OTUD7A: variants seen among roughly 807,000 people sequenced by gnomAD.
OTUD7A encodes the protein OTU domain-containing protein 7A.
OTUD7A carries 12 observed loss-of-function variants against 65.7 expected under a neutral mutation model. That is an observed-to-expected ratio of 0.18 (90% confidence interval 0.12 to 0.30). The LOEUF is 0.30. OTUD7A is among the 10% of genes least tolerant of loss of function. OTUD7A has a pLI of 1.00. For synonymous variants in OTUD7A, 641 were observed against 586.3 expected (o/e 1.09, Z -1.35); for missense variants, 1,148 against 1,304.8 (o/e 0.88, Z 1.85).
chr15:31,512,419 A>G (rs1467390574), intron 8 of OTUD7A, among the ~76,000 whole-genome samples: 1 of 152,226 alleles, frequency 6.6e-6, no homozygotes, highest in African/African-American at 2.4e-5. Flanking sequence ...CTGGTGTCGT[A>G]AAGCAATATT....
At chr15:31,537,947 C>T (rs1191024213) in intron 5 of OTUD7A, among the ~76,000 whole-genome samples, 3 of 152,226 alleles carry the variant, frequency 2.0e-5, no homozygotes, top group South Asian at 2.1e-4. Flanking sequence ...GCGTTTCCCT[C>T]CCATCCTTGC....
chr15:31,659,279 T>A (rs1415677741), intron 1 of OTUD7A, among the ~76,000 whole-genome samples: 3 of 151,800 alleles, frequency 2.0e-5, no homozygotes, highest in Non-Finnish European at 2.9e-5. Flanking sequence ...TGCCTGGAGG[T>A]TACTCTTCAC....
chr15:31,607,659 G>A (rs1542453), intron 3 of OTUD7A, among the ~76,000 whole-genome samples: 27,061 of 152,078 alleles, frequency 0.18, 2,622 homozygotes, highest in East Asian at 0.25. Context: ...CTAGTGCAAT[G>A]TATTACCTTT....
At chr15:31,616,650 T>C (rs1247227360) in intron 3 of OTUD7A, among the ~76,000 whole-genome samples, 1 of 152,198 alleles carries the variant, frequency 6.6e-6, no homozygotes, top group Non-Finnish European at 1.5e-5. Flanking sequence ...GCTCAAGCGA[T>C]TCTCCTGCCT....
chr15:31,804,035 CA>C (rs1490445357), intron 1 of OTUD7A, among the ~76,000 whole-genome samples: 7 of 152,134 alleles, frequency 4.6e-5, no homozygotes, highest in Non-Finnish European at 1.0e-4. Flanking sequence ...CAGAGGATGA[CA>C]GGGGGGATGA....
intron 9 of OTUD7A, among the ~76,000 whole-genome samples, chr15:31,502,175 G>A (rs2041478855): frequency 6.6e-6 from 1 of 152,210 alleles, no homozygotes; most frequent in Non-Finnish European, 1.5e-5. Flanking sequence ...TAAAGCATTT[G>A]TATACAACAG....
intron 5 of OTUD7A, among the ~76,000 whole-genome samples, chr15:31,535,674 G>GTTTTTTTT (rs55826357): frequency 8.0e-5 from 9 of 112,034 alleles, no homozygotes; most frequent in Admixed American, 1.8e-4. Context: ...TTCTGTTTTT[G>GTTTTTTTT]TTTTTTTTTT....
At chr15:31,867,193 C>G (rs925026991) in intron 1 of OTUD7A, among the ~76,000 whole-genome samples, 5 of 152,194 alleles carry the variant, frequency 3.3e-5, no homozygotes, top group African/African-American at 9.7e-5. Flanking sequence ...AATAACCTGG[C>G]ACACACTTAA....
intron 1 of OTUD7A, among the ~76,000 whole-genome samples, chr15:31,738,542 A>G (rs145419524): frequency 6.6e-6 from 1 of 152,290 alleles, no homozygotes; most frequent in Non-Finnish European, 1.5e-5. Flanking sequence ...CATGACAGTG[A>G]TCCCTAATTT....
chr15:31,484,607 C>T lies in OTUD7A; in HGVS notation c.1489G>A (p.Gly497Ser), dbSNP rs1341240836. 2 of 1,604,932 alleles carry T rather than the reference C, an allele frequency of 1.2e-6. No individual in the cohort carries two copies. The highest frequency in any genetic ancestry group is 1.3e-5 in the African/African-American group (1 of 74,724). ...SVCSNSNSNN[G>S]KNGKDKEKEK... Reference sequence around the variant, plus strand: ...TTCTCCTTGTCCTTGCCGTTCTTGCCGTTATTGCTGTTAGAATTGCTGCAC... The same window carrying T: ...TTCTCCTTGTCCTTGCCGTTCTTGCTGTTATTGCTGTTAGAATTGCTGCAC... Residue 497 changes from glycine (G) to serine (S), a missense_variant, in exon 13 of 13, where the codon GGC (glycine) becomes AGC (serine). Transcript: ENST00000307050. This position sits in a 1 kb window ranked among gnomAD's most constrained non-coding sequence, Gnocchi z 4.5.
intron 5 of OTUD7A, chr15:31,557,404 T>C (rs1293036476): frequency 2.0e-5 from 3 of 152,276 alleles, no homozygotes; most frequent in Non-Finnish European, 4.4e-5. Flanking sequence ...CTGCTCTGTA[T>C]GCAGAGGGTG....
intron 1 of OTUD7A, among the ~76,000 whole-genome samples, chr15:31,777,699 C>T (rs1895422928): frequency 6.6e-6 from 1 of 152,178 alleles, no homozygotes; most frequent in African/African-American, 2.4e-5. Context: ...ATGTTGGATG[C>T]ACATGGAAGA....
At chr15:31,599,127 G>A (rs1889999259) in intron 3 of OTUD7A, among the ~76,000 whole-genome samples, 1 of 152,236 alleles carries the variant, frequency 6.6e-6, no homozygotes, top group African/African-American at 2.4e-5. Flanking sequence ...AGAGAGCAGT[G>A]GACCTCCCAG....
intron 3 of OTUD7A, among the ~76,000 whole-genome samples, chr15:31,584,875 A>C (rs2141188837): frequency 6.6e-6 from 1 of 152,276 alleles, no homozygotes; most frequent in African/African-American, 2.4e-5. Context: ...GGAGTATAGA[A>C]ATCCTATGTG....
At chr15:31,832,205 G>A (rs1029052744) in intron 1 of OTUD7A, among the ~76,000 whole-genome samples, 60 of 152,300 alleles carry the variant, frequency 3.9e-4, no homozygotes, top group African/African-American at 1.3e-3. Context: ...TGCCTCCTCC[G>A]CTGGGGCTCT....
intron 3 of OTUD7A, among the ~76,000 whole-genome samples, chr15:31,613,717 C>A (rs1458630912): frequency 3.3e-5 from 5 of 151,126 alleles, no homozygotes; most frequent in Non-Finnish European, 2.9e-5. Flanking sequence ...ACTAGTACAA[C>A]CACTATGGAA....
intron 1 of OTUD7A, among the ~76,000 whole-genome samples, chr15:31,819,716 T>C (rs1896632905): frequency 6.6e-6 from 1 of 151,990 alleles, no homozygotes; most frequent in Non-Finnish European, 1.5e-5. Context: ...TACATACTTA[T>C]ATATTATACA....
At chr15:31,859,650 T>C (rs1897669454) in intron 1 of OTUD7A, among the ~76,000 whole-genome samples, 1 of 152,222 alleles carries the variant, frequency 6.6e-6, no homozygotes, top group Admixed American at 6.5e-5. Flanking sequence ...TTTATAAAGT[T>C]ACAAGAACTT....
At chr15:31,746,816 G>A (rs929580508) in intron 1 of OTUD7A, among the ~76,000 whole-genome samples, 5 of 152,118 alleles carry the variant, frequency 3.3e-5, no homozygotes, top group Non-Finnish European at 7.4e-5. Flanking sequence ...TTTAAAATTG[G>A]CAAAACAAAT....
Sources: gnomAD v4.1 joint callset for allele counts (sites outside exome capture counted in the v4.1 genomes callset) on GRCh38, gnomAD v4.1.1 for gene constraint, Gnocchi (gnomAD v3.1) non-coding constraint, MANE v1.5 for transcripts, NCBI Gene and HGNC (gene_info 2026-07-23, HGNC 2026-07-21) for gene names.